CGNL1: variants seen among roughly 807,000 people sequenced by gnomAD.
The protein encoded by CGNL1 is cingulin like 1.
A neutral mutation model predicts 141.2 loss-of-function variants in CGNL1; 132 were observed. The ratio of observed to expected loss-of-function variants is 0.93; its 90% CI spans 0.81 to 1.08. The LOEUF (loss-of-function observed/expected upper bound fraction) is 1.08, where lower values mean the gene tolerates loss of function less well. Ranked by LOEUF, CGNL1 falls within the 50% of genes least tolerant of loss-of-function variation. The probability of loss-of-function intolerance (pLI) is 0.00; values close to 1 mark genes in which losing one functional copy is unlikely to be tolerated. For missense variants in CGNL1, 1,870 were observed against 1,588.6 expected (o/e 1.18, Z -3.01); for synonymous variants, 690 against 622.1 (o/e 1.11, Z -1.63).
intron 1 of CGNL1, among the ~76,000 whole-genome samples, chr15:57,399,443 T>C (rs2062636044): frequency 6.6e-6 from 1 of 152,182 alleles, no homozygotes; most frequent in African/African-American, 2.4e-5. Context: ...ATTTTGGGCT[T>C]TGTATTATTG....
chr15:57,413,221 T>TCCTCCCTCCCTCCCTC (rs1555431835), intron 1 of CGNL1, among the ~76,000 whole-genome samples: 1 of 137,020 alleles, frequency 7.3e-6, no homozygotes, highest in Admixed American at 7.8e-5. Context: ...CTTCCTCTCT[T>TCCTCCCTCCCTCCCTC]CCTCCCTCCC....
intron 8 of CGNL1, among the ~76,000 whole-genome samples, chr15:57,469,847 C>G (rs559200604): frequency 6.6e-6 from 1 of 152,164 alleles, no homozygotes; most frequent in Non-Finnish European, 1.5e-5. Context: ...TTTGTCCCTT[C>G]CCTCTTTCCT....
chr15:57,460,872 C>T lies in CGNL1; in HGVS notation c.2191-808C>T, dbSNP rs191545057. On this transcript the variant is annotated intron_variant, in intron 7 of 18. Transcript: ENST00000281282. Reference sequence around the variant, plus strand: ...GGGAGCAGGCTGGCAGGGGACAGTGCGTTCTCTGTGGAGGGACTCTGGGTG... The same window carrying T: ...GGGAGCAGGCTGGCAGGGGACAGTGTGTTCTCTGTGGAGGGACTCTGGGTG... Among the ~76,000 whole-genome samples, 123 of 152,154 alleles carry T rather than the reference C, an allele frequency of 8.1e-4. 1 individual carries two copies. The highest frequency in any genetic ancestry group is 4.0e-4 in the Non-Finnish European group (27 of 67,994).
intron 1 of CGNL1, among the ~76,000 whole-genome samples, chr15:57,417,604 G>C (rs1232476318): frequency 3.2e-5 from 3 of 94,572 alleles, no homozygotes; most frequent in Non-Finnish European, 6.6e-5. Flanking sequence ...AATTGAAATA[G>C]TGCTTTTTTT....
intron 8 of CGNL1, among the ~76,000 whole-genome samples, chr15:57,495,748 C>T (rs2063928927): frequency 6.6e-6 from 1 of 152,188 alleles, no homozygotes; most frequent in African/African-American, 2.4e-5. Context: ...TTTCACATGA[C>T]TTGGAGTGTG....
intron 1 of CGNL1, chr15:57,404,932 A>C (rs2062698370): frequency 6.6e-6 from 1 of 152,224 alleles, no homozygotes; most frequent in Non-Finnish European, 1.5e-5. Context: ...ATCTTGGATA[A>C]GAAATCACTT....
At chr15:57,421,454 G>A (rs553448596) in intron 1 of CGNL1, among the ~76,000 whole-genome samples, 8 of 151,946 alleles carry the variant, frequency 5.3e-5, no homozygotes, top group African/African-American at 1.9e-4. Context: ...AGGAGATCCT[G>A]GGCTTAGGAG....
chr15:57,436,778 G>A (rs1350425343), intron 1 of CGNL1, among the ~76,000 whole-genome samples: 2 of 151,940 alleles, frequency 1.3e-5, no homozygotes, highest in African/African-American at 4.8e-5. Context: ...TAGTTCTTTA[G>A]GGAAACAATT....
At chr15:57,433,322 C>G (rs1046694265) in intron 1 of CGNL1, among the ~76,000 whole-genome samples, 16 of 152,172 alleles carry the variant, frequency 1.1e-4, no homozygotes, top group Admixed American at 6.5e-5. Flanking sequence ...TATTAGTAGC[C>G]TTGTCAAACC....
chr15:57,538,785 G>T (rs531982440), intron 14 of CGNL1, among the ~76,000 whole-genome samples: 1 of 152,142 alleles, frequency 6.6e-6, no homozygotes. Flanking sequence ...CCATAGACAC[G>T]TTCTCCTTCT....
chr15:57,547,176 G>A (rs1023751780), intron 18 of CGNL1, among the ~76,000 whole-genome samples, 179 bp from the exon 19 acceptor site: 5 of 152,226 alleles, frequency 3.3e-5, no homozygotes, highest in Non-Finnish European at 5.9e-5. Flanking sequence ...CGAAATGGGG[G>A]CGGTGGACTC....
chr15:57,470,256 C>CTTTTTTTTTTTTT lies in CGNL1; in HGVS notation c.2403+8367_2403+8379dup, dbSNP rs60982599. ...AAAAGATCTCTTTTTTTTTGTCTCT[C>CTTTTTTTTTTTTT]TTTTTTTTTTTTTTTGCCTGCCCCA... On this transcript the variant is annotated intron_variant, in intron 8 of 18. Coordinates refer to ENST00000281282, the MANE Select transcript of CGNL1 (RefSeq NM_032866.5). 3.4e-4 allele frequency among the ~76,000 whole-genome samples: 39 copies of CTTTTTTTTTTTTT among 113,940 alleles called. 1 individual carries two copies. The highest frequency in any genetic ancestry group is 6.2e-4 in the African/African-American group (18 of 28,854). The allele number at this position is 113,940 out of a possible 152,430, so 74.7% of individuals were successfully genotyped here. A position where few individuals can be genotyped will look rare whatever the true frequency, so the allele number is the denominator to read the frequency against.
intron 8 of CGNL1, among the ~76,000 whole-genome samples, chr15:57,507,567 A>G (rs1280355): frequency 0.95 from 144,472 of 152,252 alleles, 68,950 homozygotes; most frequent in Non-Finnish European, 1. Flanking sequence ...AGGTGGTTCT[A>G]TAAGCAAGAA....
chr15:57,419,829 C>G (rs1262955831), intron 1 of CGNL1, among the ~76,000 whole-genome samples: 1 of 152,222 alleles, frequency 6.6e-6, no homozygotes, highest in Non-Finnish European at 1.5e-5. Context: ...GAGGAAGTCA[C>G]TATGTGCAGC....
At chr15:57,474,910 C>T (rs1431876932) in intron 8 of CGNL1, among the ~76,000 whole-genome samples, 2 of 152,214 alleles carry the variant, frequency 1.3e-5, no homozygotes, top group Non-Finnish European at 2.9e-5. Flanking sequence ...TCTCCTAAGG[C>T]AGGTCAAGAA....
At chr15:57,424,898 T>C (rs561116346) in intron 1 of CGNL1, among the ~76,000 whole-genome samples, 18 of 152,378 alleles carry the variant, frequency 1.2e-4, no homozygotes, top group African/African-American at 4.3e-4. Context: ...ATGATCATCC[T>C]ACATATTAAT....
intron 5 of CGNL1, among the ~76,000 whole-genome samples, 182 bp downstream of exon 5, chr15:57,451,783 T>A: frequency 6.6e-6 from 1 of 152,262 alleles, no homozygotes; most frequent in South Asian, 2.1e-4. Context: ...TTTTTTTTTT[T>A]AATGTAACCA....
At chr15:57,441,825 A>T (rs774278616) in intron 3 of CGNL1, among the ~76,000 whole-genome samples, 12 of 152,180 alleles carry the variant, frequency 7.9e-5, no homozygotes, top group Non-Finnish European at 7.3e-5. Flanking sequence ...AATAAAACTT[A>T]GTATCTCCGT....
At chr15:57,487,140 T>C (rs2063795887) in intron 8 of CGNL1, among the ~76,000 whole-genome samples, 1 of 151,890 alleles carries the variant, frequency 6.6e-6, no homozygotes, top group Non-Finnish European at 1.5e-5. Context: ...AGACTAGGAG[T>C]AGACAGTTTA....
Sources: allele counts gnomAD v4.1 joint callset (sites outside exome capture counted in the v4.1 genomes callset), GRCh38; gene constraint gnomAD v4.1.1; transcripts MANE v1.5; gene names NCBI Gene and HGNC (gene_info 2026-07-23, HGNC 2026-07-21).